The following BPIFC variants were observed in gnomAD, a reference collection of about 807,000 sequenced individuals.
BPIFC encodes BPI fold containing family C.
A neutral mutation model predicts 57.6 loss-of-function variants in BPIFC; 60 were observed. The observed-to-expected ratio is 1.04, with a 90% CI of 0.85 to 1.29. The LOEUF is 1.29. BPIFC is among the 50% of genes most tolerant of loss of function. The pLI is 0.00. For missense variants in BPIFC, 581 were observed against 600.5 expected (o/e 0.97, Z 0.34); for synonymous variants, 243 against 224.5 (o/e 1.08, Z -0.74).
rs1556036074 is a variant in BPIFC at position 32,423,577 on chromosome 22, G to GGGGT, written c.1218-4174_1218-4173insACCC. On this transcript the variant is annotated intron_variant, in intron 13 of 16. Coordinates refer to ENST00000300399, the MANE Select transcript of BPIFC (RefSeq NM_174932.3). ...TGCTTGGGAGGAGTTGTAGGGTGTG[G>GGGGT]GTGTGTGTGTGTGTGTGTGTGTGTG... 1.7e-3 allele frequency among the ~76,000 whole-genome samples: 241 copies of GGGGT among 143,262 alleles called. 2 individuals are homozygous for GGGGT. Among genetic ancestry groups the GGGGT allele is most frequent in the African/African-American group, 5.3e-3 (200 of 37,456 alleles). The allele number at this position is 143,262 out of a possible 152,430, so 94.0% of individuals were successfully genotyped here.
chr22:32,425,523 G>A (rs1177962433), intron 13 of BPIFC, among the ~76,000 whole-genome samples: 3 of 152,216 alleles, frequency 2.0e-5, no homozygotes, highest in African/African-American at 4.8e-5. Context: ...GATCTTGTAC[G>A]ATTGAGCACC....
chr22:32,429,505 CTTTGTTTTTTTTTTTTTT>C (rs1452066519), intron 13 of BPIFC, among the ~76,000 whole-genome samples: 12 of 101,444 alleles, frequency 1.2e-4, no homozygotes, highest in Non-Finnish European at 1.9e-4. Flanking sequence ...GGCAACTGGC[CTTTGTTTTTTTTTTTTTT>C]TTTTTTTTTT....
In BPIFC at chr22:32,449,858, T is replaced by C. The variant is rs557733085; in HGVS notation, c.246-2518A>G. On this transcript the variant is annotated intron_variant, in intron 4 of 16. Transcript: ENST00000300399. ...CACGCCATTCTCTTGCCTCAGCCTC[T>C]GGAGTAGCTGGGACTATAGGCGCCC... Among the ~76,000 whole-genome samples the C allele has an allele frequency of 3.3e-5, 5 of 151,984 alleles. No individual in the cohort carries two copies. The East Asian group carries it at 7.8e-4, about 24-fold the overall frequency.
rs888973087 is a variant in BPIFC at position 32,445,763 on chromosome 22, A to G, written c.531-65T>C. On this transcript the variant is annotated intron_variant, in intron 6 of 16. Coordinates refer to ENST00000300399, the MANE Select transcript of BPIFC (RefSeq NM_174932.3). Reference sequence around the variant, plus strand: ...GGTTACTCAGAGACCATAATCAGCCATTTGTAAACCTTCCCTAGGCGATGC... The same window carrying G: ...GGTTACTCAGAGACCATAATCAGCCGTTTGTAAACCTTCCCTAGGCGATGC... 4.6e-6 allele frequency: 7 copies of G among 1,520,248 alleles called. No individual in the cohort carries two copies. In the Admixed American group the frequency reaches 6.2e-5, roughly 13 times the overall value. The allele number at this position is 1,520,248 out of a possible 1,614,324, so 94.2% of individuals were successfully genotyped here. A position where few individuals can be genotyped will look rare whatever the true frequency, so the allele number is the denominator to read the frequency against.
chr22:32,441,531 G>A (rs760801150), intron 8 of BPIFC, among the ~76,000 whole-genome samples: 8 of 152,160 alleles, frequency 5.3e-5, no homozygotes, highest in African/African-American at 9.7e-5. Context: ...CAAAGTGAGA[G>A]AGAGATGTCC....
chr22:32,423,444 T>A (rs1267353925), intron 13 of BPIFC, among the ~76,000 whole-genome samples: 1 of 152,146 alleles, frequency 6.6e-6, no homozygotes, highest in Non-Finnish European at 1.5e-5. Context: ...TGAGCTCCAC[T>A]GACTTGTCCA....
rs138991253 is a variant in BPIFC at position 32,435,851 on chromosome 22, G to A, written c.777C>T (p.Thr259=). 1.8e-5 allele frequency: 29 copies of A among 1,613,920 alleles called. No homozygotes were observed. The highest frequency in any genetic ancestry group is 1.2e-4 in the South Asian group (11 of 91,064). The part of the protein sequence containing the change: ...KGVFYPLENL[T]DPPFSPVPFV... The stretch of plus-strand genomic sequence containing the variant: ...AAGGAACTGGTGAGAAGGGGGGGTC[G>A]GTGAGGTTTTCCAGTGGGTAGAATA... Residue 259 remains threonine, a synonymous_variant, in exon 10 of 17, where the codon ACC becomes ACT. Coordinates refer to ENST00000300399, the MANE Select transcript of BPIFC (RefSeq NM_174932.3).
At chr22:32,426,436 G>A (rs1173357950) in intron 13 of BPIFC, among the ~76,000 whole-genome samples, 1 of 152,142 alleles carries the variant, frequency 6.6e-6, no homozygotes, top group Non-Finnish European at 1.5e-5. Context: ...GCAAAGTCTT[G>A]CCTCCTGGTT....
chr22:32,433,825 T>C, intron 10 of BPIFC, 53 bp from the exon 11 acceptor site: 1 of 1,482,734 alleles, frequency 6.7e-7, no homozygotes, highest in Non-Finnish European at 9.4e-7. Context: ...GGATTGTCTT[T>C]TCAGGGAAAA....
intron 8 of BPIFC, among the ~76,000 whole-genome samples, chr22:32,438,218 GTCTC>G (rs371086469): frequency 6.7e-6 from 1 of 148,242 alleles, no homozygotes; most frequent in Non-Finnish European, 1.5e-5. Context: ...TGTGAATGTG[GTCTC>G]TCTCTCTCTC....
chr22:32,444,482 G>A (rs1165628122), intron 7 of BPIFC, among the ~76,000 whole-genome samples: 1 of 152,136 alleles, frequency 6.6e-6, no homozygotes, highest in Admixed American at 6.5e-5. Flanking sequence ...TTTTCCAGAA[G>A]AGTCTTCCTT....
chr22:32,434,992 A>ATG (rs1569451030), intron 10 of BPIFC, among the ~76,000 whole-genome samples: 23 of 151,802 alleles, frequency 1.5e-4, no homozygotes, highest in African/African-American at 5.1e-4. Context: ...TACAGGGAAT[A>ATG]ATGATGACAA....
At chr22:32,422,601 G>T (rs184570003) in intron 13 of BPIFC, among the ~76,000 whole-genome samples, 1 of 151,996 alleles carries the variant, frequency 6.6e-6, no homozygotes, top group African/African-American at 2.4e-5. Context: ...CCAGCTACTC[G>T]GGAGGCAGAG....
At position 32,447,352 on chromosome 22, in the gene BPIFC, G is replaced by C; in HGVS notation, c.246-12C>G. ...CACTGATTTTTATACTGTAAAACCA[G>C]AAACAAGAAGTTAGGGCGACTCTTC... On this transcript the variant is annotated splice_polypyrimidine_tract_variant and intron_variant, in intron 4 of 16. Transcript: ENST00000300399. The C allele has an allele frequency of 6.2e-7, 1 of 1,608,294 alleles. No homozygotes were observed. Among genetic ancestry groups the C allele is most frequent in the Non-Finnish European group, 8.5e-7 (1 of 1,177,450 alleles).
chr22:32,439,657 C>G (rs1188199906), intron 8 of BPIFC, among the ~76,000 whole-genome samples: 1 of 151,956 alleles, frequency 6.6e-6, no homozygotes, highest in Non-Finnish European at 1.5e-5. Flanking sequence ...CTCTGTCACC[C>G]AGGCTGGAGT....
At position 32,413,953 on chromosome 22, in the gene BPIFC, G is replaced by A. The variant is rs1309703558; in HGVS notation, c.*350C>T. On this transcript the variant is annotated 3_prime_UTR_variant, in exon 17 of 17. Transcript: ENST00000300399. ...GGGAAAACCACTAGAGGGCCTAAGG[G>A]ATTTCCACTGAGAATGACCAATACA... 6.2e-6 allele frequency: 1 copy of A among 161,954 alleles called. No individual in the cohort carries two copies. The highest frequency in any genetic ancestry group is 1.3e-5 in the Non-Finnish European group (1 of 74,858). 10.0% of individuals were successfully genotyped at this position (161,954 alleles called of 1,614,324 possible). A position where few individuals can be genotyped will look rare whatever the true frequency, so the allele number is the denominator to read the frequency against.
At chr22:32,418,395 G>A (rs901325216) in intron 14 of BPIFC, among the ~76,000 whole-genome samples, 1 of 152,168 alleles carries the variant, frequency 6.6e-6, no homozygotes, top group Admixed American at 6.5e-5. Flanking sequence ...CACTCTTGAC[G>A]TTTTGGGATG....
At chr22:32,446,702 T>C in intron 5 of BPIFC, 1 of 968,622 alleles carries the variant, frequency 1.0e-6, no homozygotes, top group Non-Finnish European at 1.2e-6. Context: ...AACAGTGATT[T>C]ACACATTGCA....
At chr22:32,457,876 T>TA (rs1373505652) in intron 2 of BPIFC, among the ~76,000 whole-genome samples, 1 of 152,218 alleles carries the variant, frequency 6.6e-6, no homozygotes, top group Non-Finnish European at 1.5e-5. Context: ...GAACATCTGA[T>TA]ACACGATGTT....
Sources: allele counts gnomAD v4.1 joint callset (sites outside exome capture counted in the v4.1 genomes callset), GRCh38; gene constraint gnomAD v4.1.1; transcripts MANE v1.5; gene names NCBI Gene and HGNC (gene_info 2026-07-23, HGNC 2026-07-21).